HAT1: variants seen among roughly 807,000 people sequenced by gnomAD.
HAT1 encodes histone acetyltransferase 1, also known as histone acetyltransferase type B catalytic subunit.
HAT1 carries 20 observed loss-of-function variants against 56.6 expected under a neutral mutation model. That is an observed-to-expected ratio of 0.35 (90% CI 0.25 to 0.51). The LOEUF is 0.51. Among genes scored for constraint, HAT1 ranks in the 20% least tolerant of loss-of-function variants. The pLI, the probability that HAT1 is intolerant of heterozygous loss-of-function variation, is 0.95. For missense variants in HAT1, 408 were observed against 504.3 expected, an observed-to-expected ratio of 0.81 and a Z score of 1.83; for synonymous variants, 146 against 165.5, an observed-to-expected ratio of 0.88 and a Z score of 0.91.
chr2:171,930,326 T>A (rs563751686), intron 2 of HAT1, among the ~76,000 whole-genome samples: 1 of 152,082 alleles, frequency 6.6e-6, no homozygotes, highest in Non-Finnish European at 1.5e-5. Flanking sequence ...TACACCACCA[T>A]GCCTGGCTAA....
chr2:171,977,557 A>ATATATATATAATT (rs1271452199), intron 9 of HAT1, among the ~76,000 whole-genome samples: 2 of 16,356 alleles, frequency 1.2e-4, no homozygotes, highest in African/African-American at 4.3e-4. Flanking sequence ...ATATATATAT[A>ATATATATATAATT]TTTTTTTTTT....
intron 1 of HAT1, among the ~76,000 whole-genome samples, chr2:171,925,219 C>T (rs1021003948): frequency 2.0e-5 from 3 of 151,710 alleles, no homozygotes; most frequent in African/African-American, 7.3e-5. Flanking sequence ...ATTACAGGCG[C>T]CCGTCACCGT....
At chr2:171,957,080 G>A (rs1048527182) in intron 4 of HAT1, among the ~76,000 whole-genome samples, 6 of 152,168 alleles carry the variant, frequency 3.9e-5, no homozygotes, top group Admixed American at 6.5e-5. Context: ...GTACACAGGC[G>A]ACTCAAGGGT....
intron 3 of HAT1, among the ~76,000 whole-genome samples, chr2:171,951,031 G>A (rs527883601): frequency 3.1e-4 from 47 of 152,138 alleles, no homozygotes; most frequent in South Asian, 2.5e-3. Context: ...GGCTGGTGTC[G>A]AACTCCTAAC....
intron 9 of HAT1, among the ~76,000 whole-genome samples, chr2:171,977,537 ATATATATATATATATATATATTTTTT>A (rs1313269460): frequency 6.7e-5 from 1 of 14,994 alleles, no homozygotes; most frequent in African/African-American, 2.6e-4. Flanking sequence ...ATATATATAT[ATATATATATATATATATATATTTTTT>A]TTTTTTTTTT....
chr2:171,946,620 A>T (rs1427955881), intron 2 of HAT1, 88 bp from the exon 3 acceptor site: 1 of 778,940 alleles, frequency 1.3e-6, no homozygotes, highest in Non-Finnish European at 2.2e-6. Flanking sequence ...TATCCTAGTT[A>T]TACTGAAACT....
intron 8 of HAT1, among the ~76,000 whole-genome samples, chr2:171,968,486 T>G (rs1687734220): frequency 6.6e-6 from 1 of 152,176 alleles, no homozygotes; most frequent in Non-Finnish European, 1.5e-5. Flanking sequence ...TCCTTGATAC[T>G]TAGCACCAAT....
chr2:171,939,866 A>G (rs1325766320), intron 2 of HAT1, among the ~76,000 whole-genome samples: 1 of 150,824 alleles, frequency 6.6e-6, no homozygotes, highest in African/African-American at 2.4e-5. Context: ...GTCATGGCTC[A>G]TTGTAGCCTC....
chr2:171,942,710 CAT>C (rs1357166265), intron 2 of HAT1, among the ~76,000 whole-genome samples: 1 of 152,046 alleles, frequency 6.6e-6, no homozygotes, highest in Non-Finnish European at 1.5e-5. Flanking sequence ...ATATATGTGA[CAT>C]ATATATGTCA....
chr2:171,948,464 AT>A (rs1447885538), intron 3 of HAT1, among the ~76,000 whole-genome samples: 13 of 152,108 alleles, frequency 8.5e-5, no homozygotes, highest in Admixed American at 8.5e-4. Flanking sequence ...ACCTCAAGTG[AT>A]CACCCACCTT....
intron 2 of HAT1, among the ~76,000 whole-genome samples, chr2:171,946,504 T>C (rs1478192842): frequency 6.6e-6 from 1 of 152,234 alleles, no homozygotes; most frequent in Non-Finnish European, 1.5e-5. Flanking sequence ...GCTGAAGCAC[T>C]CAAAGTAATA....
rs1688185657 is a variant in HAT1 at position 171,983,517 on chromosome 2, T to C, written c.*165T>C. On this transcript the variant is annotated 3_prime_UTR_variant, in exon 11 of 11. Coordinates refer to ENST00000264108, the MANE Select transcript of HAT1 (RefSeq NM_003642.4). ...GGAGAGATTGTATATTTTAAAATAC[T>C]GTTTAGAGTTTATGAGCATATATTG... 1 of 442,170 alleles carries C rather than the reference T, an allele frequency of 2.3e-6. No individual in the cohort carries two copies. Among genetic ancestry groups the C allele is most frequent in the South Asian group, 6.5e-5 (1 of 15,452 alleles). The allele number at this position is 442,170 out of a possible 1,614,324, so 27.4% of individuals were successfully genotyped here.
At chr2:171,974,212 A>AG (rs1343946199) in intron 8 of HAT1, among the ~76,000 whole-genome samples, 3 of 95,150 alleles carry the variant, frequency 3.2e-5, no homozygotes, top group East Asian at 4.8e-4. Flanking sequence ...AAAAAGAAAA[A>AG]AAAAAAAAGA....
Position 171,922,669 on chromosome 2 carries a change from C to T in HAT1, c.7+162C>T, listed in dbSNP as rs1461941318. The stretch of plus-strand genomic sequence containing the variant: ...GCGCGGAACTCTCAGCCCAGCAGCT[C>T]CTTGTTGGCGGCGGTCCGCGCCCCC... On this transcript the variant is annotated intron_variant, in intron 1 of 10. Transcript: ENST00000264108. The T allele has an allele frequency of 5.8e-6, 3 of 520,044 alleles. No individual in the cohort carries two copies. The East Asian group carries it at 1.0e-4, about 17-fold the overall frequency. 32.2% of individuals were successfully genotyped at this position (520,044 alleles called of 1,614,324 possible). A position where few individuals can be genotyped will look rare whatever the true frequency, so the allele number is the denominator to read the frequency against.
At chr2:171,972,746 T>G (rs765833507) in intron 8 of HAT1, among the ~76,000 whole-genome samples, 12 of 152,230 alleles carry the variant, frequency 7.9e-5, no homozygotes, top group Non-Finnish European at 1.6e-4. Context: ...TGCTTACTTC[T>G]TCAGGGAGAG....
chr2:171,959,212 AAT>A (rs892788312), intron 4 of HAT1, among the ~76,000 whole-genome samples: 11 of 152,232 alleles, frequency 7.2e-5, no homozygotes, highest in African/African-American at 2.7e-4. Context: ...CATTTATTAA[AAT>A]AGAGTTTTTT....
chr2:171,935,430 G>A (rs180959840), intron 2 of HAT1, among the ~76,000 whole-genome samples: 139 of 138,704 alleles, frequency 1.0e-3, no homozygotes, highest in African/African-American at 3.4e-3. Context: ...CAAGAGAATC[G>A]TTTGAACCTT....
At chr2:171,922,686 C>A in intron 1 of HAT1, 179 bp downstream of exon 1, 1 of 445,926 alleles carries the variant, frequency 2.2e-6, no homozygotes, top group East Asian at 3.5e-5. Context: ...GGCGGCGGTC[C>A]GCGCCCCCGC....
chr2:171,949,357 C>T (rs1022288257), intron 3 of HAT1, among the ~76,000 whole-genome samples: 6 of 151,938 alleles, frequency 3.9e-5, no homozygotes, highest in African/African-American at 7.3e-5. Context: ...GGACTATAGG[C>T]GTGTACCACC....
Sources: allele counts gnomAD v4.1 joint callset (sites outside exome capture counted in the v4.1 genomes callset), GRCh38; gene constraint gnomAD v4.1.1; transcripts MANE v1.5; gene names NCBI Gene and HGNC (gene_info 2026-07-23, HGNC 2026-07-21).